LRRC28: variants seen among roughly 807,000 people sequenced by gnomAD.
LRRC28 encodes leucine rich repeat containing 28.
A neutral mutation model predicts 45.7 loss-of-function variants in LRRC28; 39 were observed. The observed-to-expected ratio is 0.85, with a 90% CI of 0.66 to 1.12. LRRC28 has a LOEUF of 1.12. Ranked by LOEUF, LRRC28 falls within the 50% of genes most tolerant of loss-of-function variation. The pLI is 0.00. For synonymous variants in LRRC28, 206 were observed against 178.8 expected (o/e 1.15, Z -1.22); for missense variants, 435 against 438.5 (o/e 0.99, Z 0.07).
In LRRC28 at chr15:99,293,507, C is replaced by T. The variant is rs189074403; in HGVS notation, c.385+5556C>T. ...ACTCAGGAGGCTGAGGCAGGAGAAT[C>T]GCTTGAACACAGGAGGCAGAGGTTG... On this transcript the variant is annotated intron_variant, in intron 5 of 9. Transcript: ENST00000301981. Among the ~76,000 whole-genome samples the T allele has an allele frequency of 5.5e-3, 759 of 138,624 alleles. 3 individuals carry two copies. The highest frequency in any genetic ancestry group is 8.0e-3 in the Non-Finnish European group (528 of 65,954). 90.9% of individuals were successfully genotyped at this position (138,624 alleles called of 152,430 possible).
rs893619697 is a variant in LRRC28, at chr15:99,376,883, T to C, written c.1032-9147T>C. Among the ~76,000 whole-genome samples, 8 of 152,356 alleles carry C rather than the reference T, an allele frequency of 5.3e-5. 2 individuals carry two copies. The highest frequency in any genetic ancestry group is 1.9e-4 in the African/African-American group (8 of 41,576). The stretch of plus-strand genomic sequence containing the variant: ...TACAAAGGACATGAACTCATCCTTT[T>C]TTATGGCTGCAGAGTATTCCATGGT... On this transcript the variant is annotated intron_variant, in intron 9 of 9. Transcript: ENST00000301981.
intron 5 of LRRC28, among the ~76,000 whole-genome samples, chr15:99,320,940 C>T (rs1213546209): frequency 6.6e-6 from 1 of 152,130 alleles, no homozygotes; most frequent in Non-Finnish European, 1.5e-5. Flanking sequence ...AAGATCTAAT[C>T]GAGTTTCTAA....
chr15:99,264,151 G>A (rs1304376429), intron 2 of LRRC28, among the ~76,000 whole-genome samples: 1 of 152,218 alleles, frequency 6.6e-6, no homozygotes, highest in Non-Finnish European at 1.5e-5. Flanking sequence ...TTCTGTGTCT[G>A]TGTCTTTCCC....
chr15:99,269,401 C>T (rs1448604938), intron 2 of LRRC28, among the ~76,000 whole-genome samples: 12 of 151,940 alleles, frequency 7.9e-5, no homozygotes, highest in Admixed American at 7.9e-4. Flanking sequence ...TTACCAGCCA[C>T]ATGTGCTGTT....
chr15:99,372,131 C>T (rs573469779), intron 9 of LRRC28, among the ~76,000 whole-genome samples: 2 of 152,178 alleles, frequency 1.3e-5, no homozygotes, highest in South Asian at 2.1e-4. Flanking sequence ...ACTTCCTGTA[C>T]GAGTCAAATA....
chr15:99,365,889 A>G (rs1403600318), intron 9 of LRRC28, among the ~76,000 whole-genome samples: 3 of 152,254 alleles, frequency 2.0e-5, no homozygotes, highest in African/African-American at 7.2e-5. Flanking sequence ...TAGCTAGTAA[A>G]TTCATGACTT....
In LRRC28 at chr15:99,263,627, G is replaced by A. The variant is rs144366050; in HGVS notation, c.168+7502G>A. Among the ~76,000 whole-genome samples the A allele has an allele frequency of 4.5e-4, 69 of 152,302 alleles. 1 individual carries two copies. The East Asian group carries it at 0.012, about 27-fold the overall frequency. Reference sequence around the variant, plus strand: ...GAGCAGGAACTGTGTCTTGCGTTCTGTACCTTCACTGCCTGGCTTACTGCT... The same window carrying A: ...GAGCAGGAACTGTGTCTTGCGTTCTATACCTTCACTGCCTGGCTTACTGCT... On this transcript the variant is annotated intron_variant, in intron 2 of 9. Coordinates refer to ENST00000301981, the MANE Select transcript of LRRC28 (RefSeq NM_144598.5).
chr15:99,334,521 T>G (rs1956260989), intron 6 of LRRC28, among the ~76,000 whole-genome samples: 1 of 151,714 alleles, frequency 6.6e-6, no homozygotes, highest in South Asian at 2.1e-4. Flanking sequence ...CTAGAAAAAT[T>G]GGTATTGGGT....
chr15:99,320,081 A>C (rs533350322), intron 5 of LRRC28, among the ~76,000 whole-genome samples: 1 of 152,320 alleles, frequency 6.6e-6, no homozygotes, highest in Non-Finnish European at 1.5e-5. Flanking sequence ...TGCTGGGATT[A>C]CAGGCGTGAG....
intron 5 of LRRC28, among the ~76,000 whole-genome samples, chr15:99,311,264 G>A (rs1955399668): frequency 5.9e-5 from 9 of 152,168 alleles, no homozygotes; most frequent in Admixed American, 5.9e-4. Context: ...GTGGCATCAT[G>A]TTGGCACTCA....
At chr15:99,371,646 C>A (rs1346746309) in intron 9 of LRRC28, among the ~76,000 whole-genome samples, 1 of 152,166 alleles carries the variant, frequency 6.6e-6, no homozygotes, top group Non-Finnish European at 1.5e-5. Flanking sequence ...ACATTATTTG[C>A]ATACTCATTT....
intron 5 of LRRC28, among the ~76,000 whole-genome samples, chr15:99,310,541 A>G (rs548277732): frequency 6.6e-6 from 1 of 152,226 alleles, no homozygotes; most frequent in Non-Finnish European, 1.5e-5. Context: ...TGAAATTGGA[A>G]GGGTGTAACC....
rs760894931 is a variant in LRRC28, at chr15:99,334,007, T to G, written c.470T>G (p.Leu157Arg). The G allele has an allele frequency of 1.1e-5, 18 of 1,614,078 alleles. No homozygotes were observed. The highest frequency in any genetic ancestry group is 2.7e-5 in the African/African-American group (2 of 74,934). ...TTACCCGAGAGGCTTCACATGTGCC[T>G]TTCTCTGCAGTACCTCACTGTGGAC... ...LTLPERLHMC[L>R]SLQYLTVDRN... The change falls in exon 6 of 10, where the codon CTT becomes CGT. Residue 157 changes from leucine (L) to arginine (R), a missense_variant. Leu to Arg is a moderately radical substitution (Grantham distance 102, BLOSUM62 -2). Coordinates refer to ENST00000301981, the MANE Select transcript of LRRC28 (RefSeq NM_144598.5).
intron 2 of LRRC28, among the ~76,000 whole-genome samples, chr15:99,274,035 G>A (rs2081553483): frequency 6.6e-6 from 1 of 152,184 alleles, no homozygotes; most frequent in African/African-American, 2.4e-5. Flanking sequence ...GATTTAGACG[G>A]ATCCACAAGG....
intron 5 of LRRC28, among the ~76,000 whole-genome samples, chr15:99,321,071 G>A (rs922590780): frequency 2.6e-5 from 4 of 152,090 alleles, no homozygotes; most frequent in African/African-American, 9.7e-5. Flanking sequence ...CTTTAGACTT[G>A]CCTTCAGAGT....
chr15:99,309,004 C>T (rs1955298163), intron 5 of LRRC28, among the ~76,000 whole-genome samples: 1 of 152,146 alleles, frequency 6.6e-6, no homozygotes, highest in South Asian at 2.1e-4. Context: ...TATTATCACT[C>T]CCTTCTCACC....
intron 8 of LRRC28, 102 bp downstream of exon 8, chr15:99,361,613 G>A: frequency 1.7e-6 from 2 of 1,165,554 alleles, no homozygotes; most frequent in Non-Finnish European, 1.2e-6. Context: ...AAATTATTGT[G>A]GTAAAATACA....
chr15:99,325,704 G>C (rs1397933592), intron 5 of LRRC28, among the ~76,000 whole-genome samples: 1 of 152,174 alleles, frequency 6.6e-6, no homozygotes, highest in African/African-American at 2.4e-5. Context: ...ATGAACATGT[G>C]TATTACATTG....
chr15:99,349,113 C>T lies in LRRC28; in HGVS notation c.593-3256C>T, dbSNP rs144684390. On this transcript the variant is annotated intron_variant, in intron 6 of 9. Coordinates refer to ENST00000301981, the MANE Select transcript of LRRC28 (RefSeq NM_144598.5). ...ATATAGAAATGCTATGAATTTTATA[C>T]GTTGAAATGTATCCTGTAGCTATAG... 2.5e-3 allele frequency among the ~76,000 whole-genome samples: 382 copies of T among 152,104 alleles called. 9 individuals carry two copies. Among genetic ancestry groups the T allele is most frequent in the African/African-American group, 8.5e-3 (354 of 41,498 alleles).
Sources: gnomAD v4.1 joint callset for allele counts (sites outside exome capture counted in the v4.1 genomes callset) on GRCh38, gnomAD v4.1.1 for gene constraint, MANE v1.5 for transcripts, NCBI Gene and HGNC (gene_info 2026-07-23, HGNC 2026-07-21) for gene names.